ACSL6: variants seen among roughly 807,000 people sequenced by gnomAD.
The protein encoded by ACSL6 is long-chain-fatty-acid--CoA ligase 6.
In ACSL6, 47 loss-of-function variants were observed where a neutral mutation model predicts 98.2. The observed-to-expected ratio is 0.48, with a 90% CI of 0.38 to 0.61. ACSL6 has a LOEUF of 0.61. Ranked by LOEUF, ACSL6 falls within the 20% of genes least tolerant of loss-of-function variation. The probability of loss-of-function intolerance (pLI) is 0.00; values close to 1 mark genes in which losing one functional copy is unlikely to be tolerated. For synonymous variants in ACSL6, 362 were observed against 336.9 expected (o/e 1.07, Z -0.82); for missense variants, 761 against 913.4 (o/e 0.83, Z 2.15).
At chr5:131,995,865 G>T (rs1754770266) in intron 1 of ACSL6, among the ~76,000 whole-genome samples, 2 of 152,184 alleles carry the variant, frequency 1.3e-5, no homozygotes, top group Admixed American at 1.3e-4. Context: ...GACATATAAA[G>T]CCCCTTGCAC....
upstream of ACSL6, chr5:132,011,683 T>C (rs1755744894): frequency 7.9e-7 from 1 of 1,267,374 alleles, no homozygotes; most frequent in South Asian, 3.6e-5. The surrounding 1 kb of genome is among the most constrained non-coding windows in gnomAD (Gnocchi z 5.4). Flanking sequence ...GCCCCCGCCC[T>C]CCGGCCCCGC....
intron 2 of ACSL6, among the ~76,000 whole-genome samples, chr5:131,992,117 G>A (rs1389702152): frequency 6.6e-6 from 1 of 152,188 alleles, no homozygotes; most frequent in Admixed American, 6.5e-5. Context: ...CGGACAGAGT[G>A]AGGAGGAGGG....
intron 9 of ACSL6, 86 bp downstream of exon 9, chr5:131,985,321 G>A (rs1228410786): frequency 1.3e-6 from 2 of 1,527,962 alleles, no homozygotes; most frequent in East Asian, 2.3e-5. Flanking sequence ...TTCAAACAGG[G>A]TATCAAAGAC....
intron 13 of ACSL6, 124 bp from the exon 14 acceptor site, chr5:131,971,769 G>A (rs1276679686): frequency 1.4e-6 from 1 of 715,732 alleles, no homozygotes; most frequent in East Asian, 2.8e-5. Flanking sequence ...GCTGGGATCA[G>A]AAAGAAGGCC....
At position 131,976,577 on chromosome 5, in the gene ACSL6, T is replaced by TAA. The variant is rs982994501; in HGVS notation, c.990+69_990+70dup. 2.5e-5 allele frequency: 31 copies of TAA among 1,258,914 alleles called. No individual in the cohort carries two copies. The South Asian group carries it at 4.1e-4, about 17-fold the overall frequency. The allele number at this position is 1,258,914 out of a possible 1,614,324, so 78.0% of individuals were successfully genotyped here. ...AAAAAAGAAAAAGAAAACAAACAAATAAAAAAAAATCCTCTGAGGCTTGAG... is the reference window on the plus strand; with the variant it reads ...AAAAAAGAAAAAGAAAACAAACAAATAAAAAAAAAAATCCTCTGAGGCTTGAG... On this transcript the variant is annotated intron_variant, in intron 10 of 20. Transcript: ENST00000651883.
At chr5:131,954,483 T>A (rs1752296187) in intron 20 of ACSL6, 112 bp from the exon 21 acceptor site, 1 of 1,113,702 alleles carries the variant, frequency 9.0e-7, no homozygotes, top group African/African-American at 1.6e-5. Flanking sequence ...CATACAGACA[T>A]TATGCTAAGT....
At position 131,974,747 on chromosome 5, in the gene ACSL6, C is replaced by T. The variant is rs1380543905; in HGVS notation, c.1068+146G>A. 2.5e-6 allele frequency: 4 copies of T among 1,603,342 alleles called. No individual in the cohort carries two copies. In the African/African-American group the frequency reaches 5.4e-5, roughly 21 times the overall value. ...GGCACAGAGTGTGCCTCCCTGATGC[C>T]AGGGCCTTACCTGCACCATTCGCTC... On this transcript the variant is annotated intron_variant, in intron 11 of 20. Transcript: ENST00000651883.
intron 18 of ACSL6, chr5:131,960,926 T>C (rs1205239772): frequency 4.3e-6 from 1 of 233,316 alleles, no homozygotes; most frequent in Admixed American, 5.7e-5. Flanking sequence ...CAAACAACTC[T>C]CTGATCCAAA....
chr5:131,996,917 G>T (rs930875165), intron 1 of ACSL6, among the ~76,000 whole-genome samples: 9 of 152,224 alleles, frequency 5.9e-5, no homozygotes, highest in African/African-American at 1.9e-4. Flanking sequence ...GGCAGGAAGT[G>T]ATATTGATCC....
intron 20 of ACSL6, among the ~76,000 whole-genome samples, chr5:131,958,028 G>T (rs1448576258): frequency 6.6e-6 from 1 of 152,218 alleles, no homozygotes; most frequent in Non-Finnish European, 1.5e-5. Flanking sequence ...CGAAAGGCAT[G>T]TGGAAAGTCA....
chr5:131,989,659 A>G (rs1357768177), intron 4 of ACSL6, 151 bp from the exon 5 acceptor site: 1 of 621,908 alleles, frequency 1.6e-6, no homozygotes, highest in Non-Finnish European at 2.6e-6. Context: ...GCAATGGCAC[A>G]ATCTCTGCTC....
intron 16 of ACSL6, 116 bp downstream of exon 16, chr5:131,967,824 T>C (rs1470512900): frequency 1.2e-6 from 1 of 855,824 alleles, no homozygotes; most frequent in Non-Finnish European, 1.9e-6. Flanking sequence ...AATTAATCAG[T>C]AGTTTAAAAT....
chr5:131,985,196 TG>T, intron 9 of ACSL6: 1 of 613,202 alleles, frequency 1.6e-6, no homozygotes, highest in Non-Finnish European at 2.9e-6. Flanking sequence ...GCCCTCACAC[TG>T]GACCTCCCAA....
At position 131,953,359 on chromosome 5, in the gene ACSL6, A is replaced by G. The variant is rs1580614329; in HGVS notation, c.*875T>C. 1 of 183,622 alleles carries G rather than the reference A, an allele frequency of 5.4e-6. No homozygotes were observed. The highest frequency in any genetic ancestry group is 8.8e-5 in the East Asian group (1 of 11,348). 11.4% of individuals were successfully genotyped at this position (183,622 alleles called of 1,614,324 possible). A position where few individuals can be genotyped will look rare whatever the true frequency, so the allele number is the denominator to read the frequency against. On this transcript the variant is annotated 3_prime_UTR_variant, in exon 21 of 21. Coordinates refer to ENST00000651883, the MANE Select transcript of ACSL6 (RefSeq NM_001009185.3). ...CTGGGAACAATGGCTCATGCCTGTA[A>G]TCCTAGCACTTAGGGAGGCCAAGGC...
At chr5:131,979,299 A>T (rs1485268027) in intron 9 of ACSL6, among the ~76,000 whole-genome samples, 3 of 152,216 alleles carry the variant, frequency 2.0e-5, no homozygotes, top group Admixed American at 6.5e-5. Flanking sequence ...CTAGGTATGA[A>T]ATCAGAAGTG....
In ACSL6 at chr5:131,960,612, C is replaced by T. The variant is rs778981134; in HGVS notation, c.1867G>A (p.Val623Ile). 14 of 1,613,464 alleles carry T rather than the reference C, an allele frequency of 8.7e-6. No individual in the cohort carries two copies. Among genetic ancestry groups the T allele is most frequent in the South Asian group, 1.1e-5 (1 of 90,912 alleles). Residue 623 changes from valine (V) to isoleucine (I), a missense_variant, in exon 19 of 21, where the codon GTA becomes ATA. Val to Ile is a conservative substitution (Grantham distance 29). Coordinates refer to ENST00000651883, the MANE Select transcript of ACSL6 (RefSeq NM_001009185.3). ...VHGDSLKAFLVGIVVPDPEVM... is the reference protein window; with the variant it reads ...VHGDSLKAFLIGIVVPDPEVM... ...TCAGGGTCAGGCACAACAATGCCTA[C>T]CAAAAAGGCCTGCAGTGCTCACCAA...
At chr5:132,012,026 G>A, upstream of ACSL6, 5 of 1,384,754 alleles carry the variant, frequency 3.6e-6, no homozygotes, top group Non-Finnish European at 4.8e-6. Flanking sequence ...CCCTGCCCCC[G>A]CGCGACTCGC....
At position 131,954,122 on chromosome 5, in the gene ACSL6, T is replaced by C; in HGVS notation, c.*112A>G. The C allele has an allele frequency of 8.5e-7, 1 of 1,183,124 alleles. No individual in the cohort carries two copies. Among genetic ancestry groups the C allele is most frequent in the Non-Finnish European group, 1.1e-6 (1 of 893,288 alleles). The allele number at this position is 1,183,124 out of a possible 1,614,324, so 73.3% of individuals were successfully genotyped here. ...CTTGGGACAGGAAAAGGCTCAGTCA[T>C]AAAATCAGATGCTTATTCATTTTCA... is the stretch of plus-strand genomic sequence containing the variant. On this transcript the variant is annotated 3_prime_UTR_variant, in exon 21 of 21. Transcript: ENST00000651883.
At chr5:131,974,742 G>T in intron 11 of ACSL6, 151 bp downstream of exon 11, 1 of 1,601,260 alleles carries the variant, frequency 6.2e-7, no homozygotes, top group Non-Finnish European at 8.5e-7. Flanking sequence ...GTGCCTCCCT[G>T]ATGCCAGGGC....
Sources: gnomAD v4.1 joint callset for allele counts (sites outside exome capture counted in the v4.1 genomes callset) on GRCh38, gnomAD v4.1.1 for gene constraint, Gnocchi (gnomAD v3.1) non-coding constraint, MANE v1.5 for transcripts, NCBI Gene and HGNC (gene_info 2026-07-23, HGNC 2026-07-21) for gene names.